Variants in PLAC8 observed in about 807,000 individuals in gnomAD.
PLAC8 encodes placenta-specific gene 8 protein.
In PLAC8, 6 loss-of-function variants were observed where a neutral mutation model predicts 12.6. The ratio of observed to expected loss-of-function variants is 0.48; its 90% confidence interval spans 0.26 to 0.94. PLAC8 has a LOEUF of 0.94. Among genes scored for constraint, PLAC8 ranks in the 40% least tolerant of loss-of-function variants. The pLI, the probability that PLAC8 is intolerant of heterozygous loss-of-function variation, is 0.14. For synonymous variants in PLAC8, 54 were observed against 52.6 expected (o/e 1.03, Z -0.11); for missense variants, 122 against 152.7 (o/e 0.80, Z 1.06).
At chr4:83,113,962 CATG>C (rs1351560915) in intron 1 of PLAC8, among the ~76,000 whole-genome samples, 3 of 150,464 alleles carry the variant, frequency 2.0e-5, no homozygotes, top group Non-Finnish European at 4.4e-5. Context: ...TAATATAATA[CATG>C]ATATTAATTA....
intron 4 of PLAC8, 176 bp downstream of exon 4, chr4:83,094,502 G>A (rs1016966140): frequency 1.9e-6 from 1 of 525,802 alleles, no homozygotes; most frequent in Admixed American, 4.1e-5. Context: ...TCAAAGTATA[G>A]AGCTATCTTC....
In PLAC8 at chr4:83,090,632, T is replaced by C. The variant is rs970073034; in HGVS notation, c.*349A>G. The C allele has an allele frequency of 6.7e-6, 1 of 148,778 alleles. No homozygotes were observed. The highest frequency in any genetic ancestry group is 2.5e-5 in the African/African-American group (1 of 40,574). The allele number at this position is 148,778 out of a possible 1,614,324, so 9.2% of individuals were successfully genotyped here. A position where few individuals can be genotyped will look rare whatever the true frequency, so the allele number is the denominator to read the frequency against. On this transcript the variant is annotated 3_prime_UTR_variant, in exon 5 of 5. Coordinates refer to ENST00000311507, the MANE Select transcript of PLAC8 (RefSeq NM_016619.3). ...AAGAACAAAATTATGAGACTGACCCTTGGAACTAACTAGTGAAAAAGACAT... is the reference window on the plus strand; with the variant it reads ...AAGAACAAAATTATGAGACTGACCCCTGGAACTAACTAGTGAAAAAGACAT...
chr4:83,094,727 T>C lies in PLAC8; in HGVS notation c.308A>G (p.Lys103Arg). The C allele has an allele frequency of 6.2e-7, 1 of 1,606,712 alleles. No individual in the cohort carries two copies. Among genetic ancestry groups the C allele is most frequent in the Non-Finnish European group, 8.5e-7 (1 of 1,178,058 alleles). ...GGCTCTCCTTCTGTTGATATCTCTC[T>C]TGATTTGGCAAAGAGTACAATGAGG... is the stretch of plus-strand genomic sequence containing the variant. ...CCPHCTLCQIKRDINRRRAMR... is the reference protein window; with the variant it reads ...CCPHCTLCQIRRDINRRRAMR... Residue 103 changes from lysine (K) to arginine (R), a missense_variant, in exon 4 of 5, where the codon AAG becomes AGG. Lys to Arg is a conservative substitution (Grantham distance 26, BLOSUM62 2). Transcript: ENST00000311507.
intron 3 of PLAC8, among the ~76,000 whole-genome samples, chr4:83,100,890 C>A (rs1300648337): frequency 6.6e-6 from 1 of 152,108 alleles, no homozygotes; most frequent in Admixed American, 6.6e-5. Flanking sequence ...TGGAAAAGTT[C>A]TTGAAGGAAA....
intron 4 of PLAC8, chr4:83,094,064 A>T (rs1233210385): frequency 6.6e-6 from 1 of 152,240 alleles, no homozygotes; most frequent in African/African-American, 2.4e-5. Flanking sequence ...AGTCATGTTG[A>T]TTTCTACTTA....
At chr4:83,113,288 T>C (rs1732466206) in intron 1 of PLAC8, among the ~76,000 whole-genome samples, 1 of 152,178 alleles carries the variant, frequency 6.6e-6, no homozygotes, top group East Asian at 1.9e-4. Flanking sequence ...CTCCATGCGA[T>C]GAAGCCCATG....
chr4:83,103,815 C>G (rs760181887), intron 3 of PLAC8, among the ~76,000 whole-genome samples: 51 of 152,138 alleles, frequency 3.4e-4, no homozygotes, highest in Non-Finnish European at 1.2e-4. Context: ...ATTACAGGCA[C>G]CTGCCACCAC....
intron 3 of PLAC8, among the ~76,000 whole-genome samples, chr4:83,098,468 C>T (rs898150861): frequency 6.6e-6 from 1 of 152,116 alleles, no homozygotes; most frequent in Admixed American, 6.5e-5. Flanking sequence ...TATGGTCAAA[C>T]TAATTAAAAC....
At chr4:83,095,545 G>A (rs918649389) in intron 3 of PLAC8, among the ~76,000 whole-genome samples, 3 of 152,162 alleles carry the variant, frequency 2.0e-5, no homozygotes, top group Non-Finnish European at 4.4e-5. Context: ...CACTGAATAT[G>A]GAATTAACCA....
intron 3 of PLAC8, among the ~76,000 whole-genome samples, chr4:83,095,091 C>G (rs1461508103): frequency 6.6e-6 from 1 of 152,180 alleles, no homozygotes; most frequent in African/African-American, 2.4e-5. Flanking sequence ...TGGACCTCCT[C>G]TCTGTCATAG....
At chr4:83,095,626 A>G (rs149801642) in intron 3 of PLAC8, among the ~76,000 whole-genome samples, 1 of 152,314 alleles carries the variant, frequency 6.6e-6, no homozygotes, top group East Asian at 1.9e-4. Context: ...AGGAGAAAAT[A>G]GAACTAAATT....
rs114348366 is a variant in PLAC8 at position 83,095,169 on chromosome 4, G to A, written c.244-378C>T. On this transcript the variant is annotated intron_variant, in intron 3 of 4. Transcript: ENST00000311507. ...CCAAGAAAGAGGAAGATAAGAAGAA[G>A]GAGTCTAATACAGGAGAGAAGCTAA... Among the ~76,000 whole-genome samples the A allele has an allele frequency of 1.2e-4, 18 of 152,284 alleles. 1 individual carries two copies. Among genetic ancestry groups the A allele is most frequent in the African/African-American group, 4.3e-4 (18 of 41,568 alleles).
intron 1 of PLAC8, among the ~76,000 whole-genome samples, chr4:83,110,896 G>C (rs1022055981): frequency 5.9e-5 from 9 of 152,180 alleles, no homozygotes; most frequent in Non-Finnish European, 1.0e-4. Context: ...TCAAATACCA[G>C]AAAAAATATG....
chr4:83,113,274 C>T (rs1043018465), intron 1 of PLAC8, among the ~76,000 whole-genome samples: 5 of 152,172 alleles, frequency 3.3e-5, no homozygotes, highest in African/African-American at 7.2e-5. Flanking sequence ...AACGGTACAC[C>T]TTCCTCCATG....
Position 83,094,851 on chromosome 4 carries a change from G to T in PLAC8, c.244-60C>A. ...ATTCACCTATTTGGAATTAAGACTTGCCACATCTTGAAGAGAAGCAGAAGG... is the reference window on the plus strand; with the variant it reads ...ATTCACCTATTTGGAATTAAGACTTTCCACATCTTGAAGAGAAGCAGAAGG... On this transcript the variant is annotated intron_variant, in intron 3 of 4. Coordinates refer to ENST00000311507, the MANE Select transcript of PLAC8 (RefSeq NM_016619.3). 5 of 963,906 alleles carry T rather than the reference G, an allele frequency of 5.2e-6. No individual in the cohort carries two copies. In the South Asian group the frequency reaches 5.4e-5, roughly 10 times the overall value. 59.7% of individuals were successfully genotyped at this position (963,906 alleles called of 1,614,324 possible).
intron 3 of PLAC8, among the ~76,000 whole-genome samples, chr4:83,100,678 G>A (rs1399166622): frequency 6.6e-6 from 1 of 152,078 alleles, no homozygotes; most frequent in Non-Finnish European, 1.5e-5. Flanking sequence ...TCTATTCCCT[G>A]AGACACAACA....
intron 3 of PLAC8, among the ~76,000 whole-genome samples, chr4:83,096,711 T>C (rs977632454): frequency 7.2e-5 from 11 of 152,242 alleles, no homozygotes; most frequent in African/African-American, 2.7e-4. Context: ...GTTCGTTTGT[T>C]TTTTAAAAAT....
rs1391536491 is a variant in PLAC8 at position 83,112,188 on chromosome 4, T to TTATATA, written c.-30+2472_-30+2477dup. Among the ~76,000 whole-genome samples, 44 of 96,486 alleles carry TTATATA rather than the reference T, an allele frequency of 4.6e-4. 2 individuals are homozygous for TTATATA. Among genetic ancestry groups the TTATATA allele is most frequent in the African/African-American group, 2.0e-3 (41 of 20,322 alleles). 63.3% of individuals were successfully genotyped at this position (96,486 alleles called of 152,430 possible). A position where few individuals can be genotyped will look rare whatever the true frequency, so the allele number is the denominator to read the frequency against. ...GACTCCGTCTCAAAAAAAAAAAAATTTATATATATATATATGTATATATAT... is the reference window on the plus strand; with the variant it reads ...GACTCCGTCTCAAAAAAAAAAAAATTTATATATATATATATATATATGTATATATAT... On this transcript the variant is annotated intron_variant, in intron 1 of 4. Coordinates refer to ENST00000311507, the MANE Select transcript of PLAC8 (RefSeq NM_016619.3).
At position 83,107,825 on chromosome 4, in the gene PLAC8, AG is replaced by A. The variant is rs1481424340; in HGVS notation, c.96del (p.Cys33ValfsTer26). ...TTACAGACTCCGCAGTCGCTGAAAC[AG>A]TCACACATGCCTGTCTGCCAGTTGG... ...QNSNWQTGMC[D>X]CFSDCGVCLC... On this transcript the variant is annotated frameshift_variant, in exon 2 of 5. Coordinates refer to ENST00000311507, the MANE Select transcript of PLAC8 (RefSeq NM_016619.3). LOFTEE classifies it high-confidence loss of function. 1.9e-6 allele frequency: 3 copies of A among 1,606,790 alleles called. No individual in the cohort carries two copies. Among genetic ancestry groups the A allele is most frequent in the Admixed American group, 3.4e-5 (2 of 59,652 alleles).
Sources: allele counts gnomAD v4.1 joint callset (sites outside exome capture counted in the v4.1 genomes callset), GRCh38; gene constraint gnomAD v4.1.1; transcripts MANE v1.5; gene names NCBI Gene and HGNC (gene_info 2026-07-23, HGNC 2026-07-21).